The following ABCB10 variants were observed in gnomAD, a reference collection of about 807,000 sequenced individuals.
ABCB10 encodes ATP binding cassette subfamily B member 10.
Under a neutral mutation model 65.4 loss-of-function variants are expected in ABCB10, and 54 were observed. The ratio of observed to expected loss-of-function variants is 0.83; its 90% CI spans 0.66 to 1.04. The LOEUF is 1.04. Ranked by LOEUF, ABCB10 falls within the 50% of genes least tolerant of loss-of-function variation. ABCB10 has a pLI of 0.00. For synonymous variants in ABCB10, 418 were observed against 406.5 expected, an observed-to-expected ratio of 1.03 and a Z score of -0.34; for missense variants, 846 against 976.6, an observed-to-expected ratio of 0.87 and a Z score of 1.78.
intron 1 of ABCB10, among the ~76,000 whole-genome samples, chr1:229,552,404 C>T (rs960678498): frequency 1.3e-5 from 2 of 152,176 alleles, no homozygotes; most frequent in Non-Finnish European, 2.9e-5. Context: ...TCTTGCTTGC[C>T]CCCACCCTTG....
intron 12 of ABCB10, 70 bp from the exon 13 acceptor site, chr1:229,518,480 G>A: frequency 7.8e-7 from 1 of 1,284,792 alleles, no homozygotes; most frequent in South Asian, 1.2e-5. Flanking sequence ...GATACACACA[G>A]CAGCCCTTCC....
At chr1:229,521,063 AGCT>A (rs1377763446) in intron 11 of ABCB10, among the ~76,000 whole-genome samples, 1 of 151,880 alleles carries the variant, frequency 6.6e-6, no homozygotes. Context: ...GCTTCAGTAA[AGCT>A]GCTTTTTTTT....
chr1:229,555,881 TATA>T (rs1348915975), intron 1 of ABCB10, among the ~76,000 whole-genome samples: 1 of 151,392 alleles, frequency 6.6e-6, no homozygotes, highest in African/African-American at 2.4e-5. Context: ...GGCTTTAATA[TATA>T]ATAACTTCTC....
intron 10 of ABCB10, among the ~76,000 whole-genome samples, chr1:229,524,206 G>A (rs1023967105): frequency 6.6e-6 from 1 of 151,824 alleles, no homozygotes; most frequent in Non-Finnish European, 1.5e-5. Context: ...TGTCATTAAG[G>A]GTGGAGTGCA....
chr1:229,558,665 G>T lies in ABCB10; in HGVS notation c.-13C>A. The T allele has an allele frequency of 7.6e-7, 1 of 1,314,606 alleles. No individual in the cohort carries two copies. Among genetic ancestry groups the T allele is most frequent in the South Asian group, 1.9e-5 (1 of 52,142 alleles). 81.4% of individuals were successfully genotyped at this position (1,314,606 alleles called of 1,614,324 possible). On this transcript the variant is annotated 5_prime_UTR_variant, in exon 1 of 13. Coordinates refer to ENST00000344517, the MANE Select transcript of ABCB10 (RefSeq NM_012089.3). ...GGGGGCCTCGCATGGCGCTGCGTGCGACCCGTACGCCTCAGCCCGCCGGCC... is the reference window on the plus strand; with the variant it reads ...GGGGGCCTCGCATGGCGCTGCGTGCTACCCGTACGCCTCAGCCCGCCGGCC...
chr1:229,531,338 C>A (rs1024117993), intron 7 of ABCB10, among the ~76,000 whole-genome samples: 2 of 152,242 alleles, frequency 1.3e-5, no homozygotes, highest in East Asian at 1.9e-4. Flanking sequence ...CTGGGCCACA[C>A]TGACTTCCAT....
intron 8 of ABCB10, 112 bp from the exon 9 acceptor site, chr1:229,527,420 T>A: frequency 1.1e-6 from 1 of 934,860 alleles, no homozygotes. Flanking sequence ...GATCAAAATG[T>A]ACTGAAAATC....
intron 3 of ABCB10, among the ~76,000 whole-genome samples, chr1:229,545,873 T>C (rs1662952378): frequency 6.6e-6 from 1 of 152,134 alleles, no homozygotes; most frequent in Non-Finnish European, 1.5e-5. Context: ...ACAATGAGGA[T>C]AAATACTTTT....
chr1:229,528,681 A>G (rs1662499091), intron 8 of ABCB10, among the ~76,000 whole-genome samples: 1 of 152,030 alleles, frequency 6.6e-6, no homozygotes, highest in African/African-American at 2.4e-5. Context: ...TTCATTTTTT[A>G]AATTACAGAA....
At chr1:229,533,616 C>G (rs1662637373) in intron 6 of ABCB10, among the ~76,000 whole-genome samples, 1 of 152,120 alleles carries the variant, frequency 6.6e-6, no homozygotes, top group Admixed American at 6.5e-5. Context: ...CAAAAATAGA[C>G]CCCCATAAAC....
At chr1:229,521,418 G>A (rs911237) in intron 11 of ABCB10, among the ~76,000 whole-genome samples, 174 bp downstream of exon 11, 6,653 of 150,120 alleles carry the variant, frequency 0.044, 411 homozygotes, top group African/African-American at 0.14. Flanking sequence ...GTTAAATTTG[G>A]ACAATATACT....
At chr1:229,545,696 T>G (rs1255499098) in intron 3 of ABCB10, among the ~76,000 whole-genome samples, 1 of 152,172 alleles carries the variant, frequency 6.6e-6, no homozygotes, top group Non-Finnish European at 1.5e-5. Context: ...AATTAAGATG[T>G]TCCTTAAGTA....
At chr1:229,537,679 A>G (rs1393557912) in intron 6 of ABCB10, among the ~76,000 whole-genome samples, 5 of 152,218 alleles carry the variant, frequency 3.3e-5, no homozygotes, top group African/African-American at 1.2e-4. Flanking sequence ...AGTCCCAGCT[A>G]CTTGGAAGGC....
chr1:229,530,278 G>A lies in ABCB10; in HGVS notation c.1566C>T (p.Val522=). Residue 522 remains valine (V), a synonymous_variant, in exon 8 of 13, where the codon GTC becomes GTT. Coordinates refer to ENST00000344517, the MANE Select transcript of ABCB10 (RefSeq NM_012089.3). ...DFSLSIPSGS[V]TALVGPSGSG... ...AACCACTTGGGCCAACCAGTGCCGT[G>A]ACAGATCCTGACGGAATGGAAAGGC... 6.2e-7 allele frequency: 1 copy of A among 1,614,148 alleles called. No individual in the cohort carries two copies.
rs1024648670 is a variant in ABCB10 at position 229,531,559 on chromosome 1, C to A, written c.1435+77G>T. 1.1e-5 allele frequency: 15 copies of A among 1,402,682 alleles called. No individual in the cohort carries two copies. In the Admixed American group the frequency reaches 2.3e-4, roughly 21 times the overall value. The allele number at this position is 1,402,682 out of a possible 1,614,324, so 86.9% of individuals were successfully genotyped here. On this transcript the variant is annotated intron_variant, in intron 7 of 12. Transcript: ENST00000344517. The stretch of plus-strand genomic sequence containing the variant: ...CTGTGGCTCATCCCTCACTCCCTTG[C>A]AGACAGGGGAAGAGCTGGTCTCATT...
chr1:229,533,408 G>A (rs1662632692), intron 6 of ABCB10, among the ~76,000 whole-genome samples: 1 of 152,152 alleles, frequency 6.6e-6, no homozygotes, highest in Non-Finnish European at 1.5e-5. Context: ...ATAGGTGTAA[G>A]CCACCATGCC....
intron 1 of ABCB10, among the ~76,000 whole-genome samples, chr1:229,554,836 G>T (rs1663207161): frequency 6.6e-6 from 1 of 152,172 alleles, no homozygotes; most frequent in South Asian, 2.1e-4. Flanking sequence ...GCTTCAGGAA[G>T]TAGCTACTCT....
intron 1 of ABCB10, among the ~76,000 whole-genome samples, chr1:229,551,104 A>C (rs1172919410): frequency 6.6e-6 from 1 of 152,184 alleles, no homozygotes; most frequent in African/African-American, 2.4e-5. Context: ...ATATAACCTT[A>C]ATAAAGAGTC....
At chr1:229,555,364 G>C (rs1047919542) in intron 1 of ABCB10, among the ~76,000 whole-genome samples, 1 of 152,230 alleles carries the variant, frequency 6.6e-6, no homozygotes, top group Non-Finnish European at 1.5e-5. Flanking sequence ...AAAGTGATAC[G>C]ATGGAGAATT....
Sources: allele counts gnomAD v4.1 joint callset (sites outside exome capture counted in the v4.1 genomes callset), GRCh38; gene constraint gnomAD v4.1.1; transcripts MANE v1.5; gene names NCBI Gene and HGNC (gene_info 2026-07-23, HGNC 2026-07-21).